The following PAPPA variants were observed in gnomAD, a reference collection of about 807,000 sequenced individuals.
The protein encoded by PAPPA is pappalysin 1.
In PAPPA, 60 loss-of-function variants were observed where a neutral mutation model predicts 164.0. That is an observed-to-expected ratio of 0.37 (90% CI 0.30 to 0.45). PAPPA has a LOEUF of 0.45. Ranked by LOEUF, PAPPA falls within the 20% of genes least tolerant of loss-of-function variation. The pLI, the probability that PAPPA is intolerant of heterozygous loss-of-function variation, is 1.00. For synonymous variants in PAPPA, 875 were observed against 814.1 expected (o/e 1.07, Z -1.27); for missense variants, 1,782 against 2,087.3 (o/e 0.85, Z 2.85).
At chr9:116,371,363 G>A (rs976096960) in intron 19 of PAPPA, among the ~76,000 whole-genome samples, 9 of 152,200 alleles carry the variant, frequency 5.9e-5, no homozygotes. Context: ...GTTGCAGTGA[G>A]CTGAGATTGT....
chr9:116,166,789 T>C (rs544930749), intron 1 of PAPPA, among the ~76,000 whole-genome samples: 1 of 152,356 alleles, frequency 6.6e-6, no homozygotes, highest in African/African-American at 2.4e-5. Context: ...CACACCAGTT[T>C]AATTTTATCT....
At chr9:116,297,895 C>T (rs1845529283) in intron 9 of PAPPA, among the ~76,000 whole-genome samples, 1 of 152,154 alleles carries the variant, frequency 6.6e-6, no homozygotes, top group South Asian at 2.1e-4. Flanking sequence ...ATCCTCAGAA[C>T]CTTGTTGAGA....
intron 19 of PAPPA, 139 bp downstream of exon 19, chr9:116,367,893 G>T (rs1846523120): frequency 3.0e-6 from 2 of 668,964 alleles, no homozygotes; most frequent in South Asian, 3.5e-5. Context: ...CCCTGTGGGT[G>T]TGTGTTGCAG....
At chr9:116,304,261 C>T (rs1471590177) in intron 10 of PAPPA, among the ~76,000 whole-genome samples, 1 of 152,192 alleles carries the variant, frequency 6.6e-6, no homozygotes, top group Non-Finnish European at 1.5e-5. Context: ...CATGTTCAAG[C>T]AAAGGCTAGA....
chr9:116,259,264 A>G (rs1463709385), intron 7 of PAPPA, among the ~76,000 whole-genome samples: 1 of 152,012 alleles, frequency 6.6e-6, no homozygotes, highest in African/African-American at 2.4e-5. Context: ...ATGATCTTAG[A>G]TTAAAGGAAT....
chr9:116,394,467 C>G (rs1039867642), intron 21 of PAPPA, among the ~76,000 whole-genome samples: 1 of 152,178 alleles, frequency 6.6e-6, no homozygotes, highest in African/African-American at 2.4e-5. Context: ...AGGATCCCAA[C>G]CCAAACCTTT....
In PAPPA at chr9:116,383,061, A is replaced by G. The variant is rs114600474; in HGVS notation, c.4776+568A>G. On this transcript the variant is annotated intron_variant, in intron 21 of 21. Coordinates refer to ENST00000328252, the MANE Select transcript of PAPPA (RefSeq NM_002581.5). Reference sequence around the variant, plus strand: ...CCTGTAGAATTAGAGAAAGATGGTCATGGTCATGGTATTTTTTCTTTATAT... The same window carrying G: ...CCTGTAGAATTAGAGAAAGATGGTCGTGGTCATGGTATTTTTTCTTTATAT... Among the ~76,000 whole-genome samples the G allele has an allele frequency of 7.8e-3, 1,190 of 152,324 alleles. 21 individuals carry two copies. Among genetic ancestry groups the G allele is most frequent in the African/African-American group, 0.027 (1,109 of 41,572 alleles).
intron 9 of PAPPA, among the ~76,000 whole-genome samples, chr9:116,287,885 C>T (rs1845360903): frequency 6.6e-6 from 1 of 152,202 alleles, no homozygotes; most frequent in African/African-American, 2.4e-5. Flanking sequence ...AATCTATAGC[C>T]AATGACTCAA....
intron 10 of PAPPA, among the ~76,000 whole-genome samples, chr9:116,320,850 G>T (rs1280940311): frequency 6.6e-6 from 1 of 152,086 alleles, no homozygotes; most frequent in Non-Finnish European, 1.5e-5. Context: ...GGAATTAGAG[G>T]CATAAGAGGG....
chr9:116,348,803 T>C (rs1163725133), intron 15 of PAPPA, among the ~76,000 whole-genome samples: 4 of 152,218 alleles, frequency 2.6e-5, no homozygotes, highest in African/African-American at 9.6e-5. Context: ...GGCCTCCAGT[T>C]CCATCCATGT....
chr9:116,296,119 G>C (rs1408879560), intron 9 of PAPPA, among the ~76,000 whole-genome samples: 1 of 152,214 alleles, frequency 6.6e-6, no homozygotes, highest in Non-Finnish European at 1.5e-5. Context: ...AAATGTTTGA[G>C]AAGCAATCCC....
intron 18 of PAPPA, among the ~76,000 whole-genome samples, chr9:116,364,984 T>C (rs1218912778): frequency 1.3e-5 from 2 of 152,088 alleles, no homozygotes; most frequent in East Asian, 3.9e-4. Flanking sequence ...AAAAGCCACA[T>C]AGGGAGACAG....
intron 5 of PAPPA, among the ~76,000 whole-genome samples, chr9:116,226,416 G>A (rs1464764625): frequency 6.6e-6 from 1 of 152,202 alleles, no homozygotes; most frequent in African/African-American, 2.4e-5. Flanking sequence ...GAAGGCTTCA[G>A]ACCTGGCTTC....
intron 9 of PAPPA, among the ~76,000 whole-genome samples, chr9:116,283,526 A>C (rs745446055): frequency 4.6e-5 from 7 of 152,176 alleles, no homozygotes; most frequent in Non-Finnish European, 5.9e-5. Flanking sequence ...CAGAGGCATA[A>C]CATGATAGGA....
rs575434286 is a variant in PAPPA at position 116,204,005 on chromosome 9, A to G, written c.1479-3451A>G. On this transcript the variant is annotated intron_variant, in intron 2 of 21. Transcript: ENST00000328252. ...TGAGGAAGAGACACTGAAAGCTGAG[A>G]CTGGGAGAGCCACGCAGAGGCAGAC... is the stretch of plus-strand genomic sequence containing the variant. Among the ~76,000 whole-genome samples, 16 of 152,274 alleles carry G rather than the reference A, an allele frequency of 1.1e-4. 1 individual carries two copies. The highest frequency in any genetic ancestry group is 9.2e-4 in the Admixed American group (14 of 15,292).
At chr9:116,377,888 C>T (rs73518536) in intron 20 of PAPPA, among the ~76,000 whole-genome samples, 3,066 of 152,190 alleles carry the variant, frequency 0.02, 103 homozygotes, top group African/African-American at 0.071. Context: ...GGGTTCCAAG[C>T]CAGGCTTTTG....
chr9:116,306,409 T>C (rs1303456163), intron 10 of PAPPA, among the ~76,000 whole-genome samples: 1 of 152,362 alleles, frequency 6.6e-6, no homozygotes, highest in Admixed American at 6.5e-5. Flanking sequence ...GTGTTTCTCG[T>C]TCATTCTTTT....
chr9:116,289,135 TATATATATATATATATATATATATAGC>T (rs1845384653), intron 9 of PAPPA, among the ~76,000 whole-genome samples: 1 of 49,698 alleles, frequency 2.0e-5, no homozygotes. Flanking sequence ...TATATATATA[TATATATATATATATATATATATATAGC>T]ATATATATAT....
intron 3 of PAPPA, among the ~76,000 whole-genome samples, chr9:116,210,496 A>G (rs1204289485): frequency 6.6e-6 from 1 of 152,190 alleles, no homozygotes; most frequent in East Asian, 1.9e-4. Flanking sequence ...CTCTACACCT[A>G]AAGTACCTAC....
Sources: gnomAD v4.1 joint callset for allele counts (sites outside exome capture counted in the v4.1 genomes callset) on GRCh38, gnomAD v4.1.1 for gene constraint, MANE v1.5 for transcripts, NCBI Gene and HGNC (gene_info 2026-07-23, HGNC 2026-07-21) for gene names.